GRIP1: variants seen among roughly 807,000 people sequenced by gnomAD.
The protein encoded by GRIP1 is glutamate receptor interacting protein 1, also known as glutamate receptor-interacting protein 1.
In GRIP1, 45 loss-of-function variants were observed where a neutral mutation model predicts 129.9. The observed-to-expected ratio is 0.35, with a 90% CI of 0.27 to 0.44. The LOEUF is 0.44. Among genes scored for constraint, GRIP1 ranks in the 20% least tolerant of loss-of-function variants. The pLI is 1.00. For synonymous variants in GRIP1, 530 were observed against 520.8 expected (o/e 1.02, Z -0.24); for missense variants, 1,196 against 1,396.8 (o/e 0.86, Z 2.29).
intron 1 of GRIP1, among the ~76,000 whole-genome samples, chr12:66,713,653 C>T (rs1592767854): frequency 1.3e-5 from 2 of 152,198 alleles, no homozygotes; most frequent in East Asian, 3.9e-4. Context: ...GACTCCAGTG[C>T]TACCTCTTCA....
At chr12:66,358,352 C>T (rs1490812697) in intron 23 of GRIP1, among the ~76,000 whole-genome samples, 2 of 152,212 alleles carry the variant, frequency 1.3e-5, no homozygotes, top group African/African-American at 2.4e-5. Context: ...AAATATGACT[C>T]ACCATGAATA....
chr12:67,068,743 G>A (rs553439751), intron 1 of GRIP1, among the ~76,000 whole-genome samples: 213 of 145,058 alleles, frequency 1.5e-3, no homozygotes, highest in Non-Finnish European at 2.6e-3. Context: ...ACGTGCGAGC[G>A]GGCCCTGCAG....
chr12:66,897,790 C>A (rs766385876), intron 1 of GRIP1, among the ~76,000 whole-genome samples: 1 of 152,138 alleles, frequency 6.6e-6, no homozygotes, highest in Non-Finnish European at 1.5e-5. Flanking sequence ...TTTTGAAATA[C>A]CTTTCTAATG....
intron 1 of GRIP1, among the ~76,000 whole-genome samples, chr12:66,702,185 T>C (rs1357374253): frequency 1.3e-5 from 2 of 152,198 alleles, no homozygotes; most frequent in Non-Finnish European, 1.5e-5. Flanking sequence ...TCTTTAAATA[T>C]TGGCCTTATT....
intron 2 of GRIP1, among the ~76,000 whole-genome samples, chr12:66,546,324 AT>A (rs71436011): frequency 0.44 from 65,595 of 148,064 alleles, 14,167 homozygotes; most frequent in Middle Eastern, 0.49. Context: ...TCTCTGCATA[AT>A]TTTTTTTTTT....
At chr12:66,593,220 A>C (rs1159193357) in intron 2 of GRIP1, among the ~76,000 whole-genome samples, 1 of 152,174 alleles carries the variant, frequency 6.6e-6, no homozygotes, top group Non-Finnish European at 1.5e-5. Flanking sequence ...AAGCAAACGC[A>C]TTTTGCTCCT....
At chr12:66,669,936 T>C (rs1217821380) in intron 1 of GRIP1, among the ~76,000 whole-genome samples, 1 of 152,244 alleles carries the variant, frequency 6.6e-6, no homozygotes, top group Middle Eastern at 3.2e-3. Flanking sequence ...TGCAAATTTA[T>C]ATAATTTTAA....
intron 1 of GRIP1, among the ~76,000 whole-genome samples, chr12:67,033,210 A>G (rs113263740): frequency 8.8e-4 from 134 of 151,418 alleles, no homozygotes; most frequent in Non-Finnish European, 1.8e-3. Context: ...TCAGGAGGAG[A>G]CATAAACCCA....
intron 1 of GRIP1, among the ~76,000 whole-genome samples, chr12:66,898,222 C>G (rs947956631): frequency 2.4e-4 from 36 of 152,246 alleles, no homozygotes; most frequent in Admixed American, 1.6e-3. Flanking sequence ...CACTAATATC[C>G]CGAGACACAG....
chr12:66,977,737 A>G (rs1438563319), intron 1 of GRIP1, among the ~76,000 whole-genome samples: 2 of 150,696 alleles, frequency 1.3e-5, no homozygotes, highest in African/African-American at 2.4e-5. Flanking sequence ...AATGTAAGAT[A>G]TAACACCCAA....
intron 1 of GRIP1, among the ~76,000 whole-genome samples, chr12:66,826,948 T>C (rs186752044): frequency 3.0e-4 from 46 of 152,226 alleles, no homozygotes; most frequent in African/African-American, 1.1e-3. Flanking sequence ...TACATCCAAA[T>C]ATGAGAATAT....
intron 11 of GRIP1, among the ~76,000 whole-genome samples, chr12:66,446,374 C>G (rs1204553761): frequency 6.6e-6 from 1 of 152,066 alleles, no homozygotes; most frequent in Non-Finnish European, 1.5e-5. Context: ...CCTGCAGGTC[C>G]TATGCTGCAC....
At chr12:66,627,048 C>T (rs559502256) in intron 1 of GRIP1, among the ~76,000 whole-genome samples, 2 of 146,202 alleles carry the variant, frequency 1.4e-5, no homozygotes, top group South Asian at 4.3e-4. Flanking sequence ...GCTGGGCCAT[C>T]ATCTGCCCTA....
At chr12:66,815,856 C>CTTTCTT (rs11458006) in intron 1 of GRIP1, among the ~76,000 whole-genome samples, 24,922 of 132,614 alleles carry the variant, frequency 0.19, 2,405 homozygotes, top group Non-Finnish European at 0.23. Context: ...TTCTTTCTTT[C>CTTTCTT]TCTCTCTCTC....
At chr12:67,044,208 T>G (rs1240792808) in intron 1 of GRIP1, among the ~76,000 whole-genome samples, 2 of 152,238 alleles carry the variant, frequency 1.3e-5, no homozygotes, top group Non-Finnish European at 2.9e-5. Flanking sequence ...TAGGGGCATT[T>G]CTTCCACCAG....
At chr12:66,882,850 G>A (rs569369334) in intron 1 of GRIP1, among the ~76,000 whole-genome samples, 19 of 152,006 alleles carry the variant, frequency 1.2e-4, no homozygotes, top group Non-Finnish European at 2.1e-4. Context: ...TCGCAGACAA[G>A]GCAGACAAGG....
chr12:66,875,592 T>C (rs2040369597), intron 1 of GRIP1, among the ~76,000 whole-genome samples: 1 of 152,220 alleles, frequency 6.6e-6, no homozygotes, highest in African/African-American at 2.4e-5. Context: ...TTTGCTTGTA[T>C]GTACATTTTA....
intron 1 of GRIP1, among the ~76,000 whole-genome samples, chr12:66,970,865 T>C (rs1464148818): frequency 6.6e-6 from 1 of 152,170 alleles, no homozygotes. Context: ...CCAGATGGGA[T>C]AAGACTCTGG....
At chr12:66,699,791 C>G (rs1379616492) in intron 1 of GRIP1, among the ~76,000 whole-genome samples, 1 of 152,142 alleles carries the variant, frequency 6.6e-6, no homozygotes. Context: ...ATGGCACATC[C>G]TTACTCACAG....
Sources: allele counts gnomAD v4.1 joint callset (sites outside exome capture counted in the v4.1 genomes callset), GRCh38; gene constraint gnomAD v4.1.1; transcripts MANE v1.5; gene names NCBI Gene and HGNC (gene_info 2026-07-23, HGNC 2026-07-21).